Variants in MTOR observed in about 807,000 individuals in gnomAD.
MTOR encodes serine/threonine-protein kinase mTOR.
A neutral mutation model predicts 319.8 loss-of-function variants in MTOR; 70 were observed. That is an observed-to-expected ratio of 0.22 (90% CI 0.18 to 0.27). The LOEUF is 0.27. Among genes scored for constraint, MTOR ranks in the 10% least tolerant of loss-of-function variants. MTOR has a pLI of 1.00. For synonymous variants in MTOR, 1,183 were observed against 1,211.4 expected, an observed-to-expected ratio of 0.98 and a Z score of 0.49; for missense variants, 1,890 against 3,274.4, an observed-to-expected ratio of 0.58 and a Z score of 10.32.
intron 36 of MTOR, among the ~76,000 whole-genome samples, chr1:11,137,464 C>T (rs1643485232): frequency 6.6e-6 from 1 of 152,178 alleles, no homozygotes; most frequent in Non-Finnish European, 1.5e-5. Context: ...AATCCAGTAT[C>T]TTTCTACTGT....
In MTOR at chr1:11,257,310, C is replaced by A. The variant is rs1457733544; in HGVS notation, c.272-145G>T. On this transcript the variant is annotated intron_variant, in intron 3 of 57. Coordinates refer to ENST00000361445, the MANE Select transcript of MTOR (RefSeq NM_004958.4). ...TAGCACTTTGGGAGGCTGAGGCGGG[C>A]GGATTGCCTGAGCTCAGGAGTTTGA... 5 of 585,062 alleles carry A rather than the reference C, an allele frequency of 8.5e-6. No homozygotes were observed. The East Asian group carries it at 1.8e-4, about 21-fold the overall frequency. 36.2% of individuals were successfully genotyped at this position (585,062 alleles called of 1,614,324 possible).
chr1:11,221,735 AT>A (rs1039402577), intron 19 of MTOR, among the ~76,000 whole-genome samples: 50 of 148,364 alleles, frequency 3.4e-4, no homozygotes, highest in African/African-American at 1.1e-3. Context: ...ATACATATAT[AT>A]ATTCTATATA....
intron 28 of MTOR, among the ~76,000 whole-genome samples, chr1:11,183,404 A>G (rs1645219433): frequency 6.6e-6 from 1 of 152,088 alleles, no homozygotes; most frequent in Non-Finnish European, 1.5e-5. Flanking sequence ...AGTAGCTCAG[A>G]CTACAGGTAC....
chr1:11,231,390 A>G lies in MTOR; in HGVS notation c.2559T>C (p.Tyr853=), dbSNP rs759799463. The G allele has an allele frequency of 1.2e-6, 2 of 1,614,202 alleles. No homozygotes were observed. Among genetic ancestry groups the G allele is most frequent in the South Asian group, 1.1e-5 (1 of 91,086 alleles). ...GGTACTTCCTGTAGGGCTCTACTAC[A>G]TAGCCAGTGCTGGCCACCAACTGTC... ...TLGQLVASTG[Y]VVEPYRKYPT... The change falls in exon 17 of 58, where the codon TAT becomes TAC. Residue 853 remains tyrosine (Y), a synonymous_variant. Transcript: ENST00000361445.
rs953151809 is a variant in MTOR at position 11,121,167 on chromosome 1, A to G, written c.6933+79T>C. 3 of 1,584,626 alleles carry G rather than the reference A, an allele frequency of 1.9e-6. No homozygotes were observed. The highest frequency in any genetic ancestry group is 2.2e-5 in the East Asian group (1 of 44,708). On this transcript the variant is annotated intron_variant, in intron 49 of 57. Transcript: ENST00000361445. The surrounding 1 kb of genome is among the most constrained non-coding windows in gnomAD (Gnocchi z 4.9). Reference sequence around the variant, plus strand: ...ACAGCAAAGAAGAGCCGCTGTGTGCACATGAACAGATGGGAGGGCCATCCT... The same window carrying G: ...ACAGCAAAGAAGAGCCGCTGTGTGCGCATGAACAGATGGGAGGGCCATCCT...
At chr1:11,187,160 G>C (rs1263250199) in intron 28 of MTOR, among the ~76,000 whole-genome samples, 1 of 152,196 alleles carries the variant, frequency 6.6e-6, no homozygotes, top group Admixed American at 6.5e-5. Flanking sequence ...AAGCTGGCTA[G>C]AACTCCACAA....
Position 11,253,990 on chromosome 1 carries a change from G to C in MTOR, c.706-17C>G. On this transcript the variant is annotated splice_polypyrimidine_tract_variant and intron_variant, in intron 5 of 57. Coordinates refer to ENST00000361445, the MANE Select transcript of MTOR (RefSeq NM_004958.4). ...AAATGTGTGCTATGTAGAGAGACAG[G>C]GTGCCTTCATTAGAGACAGAGTACA... The C allele has an allele frequency of 6.2e-7, 1 of 1,613,998 alleles. No individual in the cohort carries two copies. The highest frequency in any genetic ancestry group is 8.5e-7 in the Non-Finnish European group (1 of 1,179,994).
In MTOR at chr1:11,128,515, C is replaced by A. The variant is rs1052713389; in HGVS notation, c.5849G>T (p.Arg1950Ile). ...GTGAATGAGACGTCCCACCAAGGGT[C>A]TGGGCGTATCAATTCTTGCAATGAG... The part of the protein sequence containing the change: ...PQLIARIDTP[R>I]PLVGRLIHQL... Residue 1950 changes from arginine to isoleucine, a missense_variant, in exon 42 of 58, where the codon AGA becomes ATA. Transcript: ENST00000361445. The surrounding 1 kb of genome is among the most constrained non-coding windows in gnomAD (Gnocchi z 5.3). The A allele has an allele frequency of 2.5e-6, 4 of 1,614,200 alleles. No individual in the cohort carries two copies. The highest frequency in any genetic ancestry group is 3.4e-6 in the Non-Finnish European group (4 of 1,180,038).
chr1:11,211,056 C>A, intron 23 of MTOR, 150 bp from the exon 24 acceptor site: 1 of 600,852 alleles, frequency 1.7e-6, no homozygotes, highest in Admixed American at 3.0e-5. Context: ...CTTCCCATCT[C>A]CCGTTATAAT....
rs367995920 is a variant in MTOR, at chr1:11,227,692, T to A, written c.3030+976A>T. Among the ~76,000 whole-genome samples, 86 of 152,174 alleles carry A rather than the reference T, an allele frequency of 5.7e-4. No individual in the cohort carries two copies. The Middle Eastern group carries it at 0.01, about 18-fold the overall frequency. On this transcript the variant is annotated intron_variant, in intron 19 of 57. Coordinates refer to ENST00000361445, the MANE Select transcript of MTOR (RefSeq NM_004958.4). ...AGTGAGAGGTGGGGGAGGGGAAAAT[T>A]CCTCTTCACAGAAAAATGCTGCCAG...
At chr1:11,255,082 A>G (rs1650186979) in intron 5 of MTOR, among the ~76,000 whole-genome samples, 1 of 152,132 alleles carries the variant, frequency 6.6e-6, no homozygotes, top group Non-Finnish European at 1.5e-5. Flanking sequence ...TTAATTATTA[A>G]TAAGAAGAAG....
chr1:11,173,443 TA>T (rs1438057248), intron 28 of MTOR, among the ~76,000 whole-genome samples: 1 of 151,806 alleles, frequency 6.6e-6, no homozygotes, highest in South Asian at 2.1e-4. Flanking sequence ...CACACATTAT[TA>T]TTTTTTTTTT....
At chr1:11,261,797 G>C (rs1651170028) in intron 1 of MTOR, among the ~76,000 whole-genome samples, 1 of 152,134 alleles carries the variant, frequency 6.6e-6, no homozygotes, top group African/African-American at 2.4e-5. Flanking sequence ...GCGTCCGAAA[G>C]GGGGGAAGGT....
intron 15 of MTOR, 71 bp from the exon 16 acceptor site, chr1:11,232,599 G>T: frequency 7.6e-7 from 1 of 1,310,006 alleles, no homozygotes; most frequent in Non-Finnish European, 1.1e-6. Flanking sequence ...TGGAGGCCGG[G>T]CACGGTGGCT....
At chr1:11,181,819 A>G (rs1291605654) in intron 28 of MTOR, among the ~76,000 whole-genome samples, 2 of 152,246 alleles carry the variant, frequency 1.3e-5, no homozygotes, top group East Asian at 3.8e-4. Flanking sequence ...ATTTTGTCTT[A>G]GGCTTTATGC....
intron 29 of MTOR, among the ~76,000 whole-genome samples, chr1:11,164,565 T>G (rs546768639): frequency 6.6e-6 from 1 of 152,226 alleles, no homozygotes; most frequent in South Asian, 2.1e-4. Context: ...AATCCCTGAA[T>G]AGACCAATAA....
chr1:11,250,598 TCTC>T (rs1402305580), intron 6 of MTOR, among the ~76,000 whole-genome samples: 1 of 121,578 alleles, frequency 8.2e-6, no homozygotes, highest in Admixed American at 9.2e-5. Flanking sequence ...CTCCATCTCT[TCTC>T]CAACTGTACT....
At chr1:11,126,429 C>T (rs781018820) in intron 46 of MTOR, among the ~76,000 whole-genome samples, 193 bp downstream of exon 46, 1 of 152,156 alleles carries the variant, frequency 6.6e-6, no homozygotes, top group Non-Finnish European at 1.5e-5. Flanking sequence ...AGCCCAACTA[C>T]ATGAATGAAC....
chr1:11,242,527 A>AAAAAAC (rs1359207612), intron 9 of MTOR, among the ~76,000 whole-genome samples: 1 of 150,240 alleles, frequency 6.7e-6, no homozygotes. Flanking sequence ...AAAAAAAAAG[A>AAAAAAC]ATGAGTGGGG....
Sources: allele counts gnomAD v4.1 joint callset (sites outside exome capture counted in the v4.1 genomes callset), GRCh38; gene constraint gnomAD v4.1.1; non-coding constraint Gnocchi (gnomAD v3.1); transcripts MANE v1.5; gene names NCBI Gene and HGNC (gene_info 2026-07-23, HGNC 2026-07-21).